The following SLC4A4 variants were observed in gnomAD, a reference collection of about 807,000 sequenced individuals.
The protein encoded by SLC4A4 is solute carrier family 4 member 4.
Under a neutral mutation model 111.5 loss-of-function variants are expected in SLC4A4, and 27 were observed. That is an observed-to-expected ratio of 0.24 (90% CI 0.18 to 0.33). The LOEUF (loss-of-function observed/expected upper bound fraction) is 0.33. Ranked by LOEUF, SLC4A4 falls within the 10% of genes least tolerant of loss-of-function variation. SLC4A4 has a pLI of 1.00. For synonymous variants in SLC4A4, 443 were observed against 463.4 expected (o/e 0.96, Z 0.57); for missense variants, 909 against 1,315.5 (o/e 0.69, Z 4.78).
At chr4:71,566,936 T>A (rs1362295658) in intron 24 of SLC4A4, 68 bp from the exon 25 acceptor site, 1 of 1,278,044 alleles carries the variant, frequency 7.8e-7, no homozygotes, top group East Asian at 2.4e-5. Flanking sequence ...ATCAATTTTG[T>A]GAAGATTTTT....
intron 1 of SLC4A4, among the ~76,000 whole-genome samples, chr4:71,229,921 G>T (rs1719304946): frequency 6.7e-6 from 1 of 150,190 alleles, no homozygotes; most frequent in Non-Finnish European, 1.5e-5. Flanking sequence ...GCCAAAAGAT[G>T]GCAGTGCACT....
At chr4:71,072,504 C>G (rs1338138410) in intron 1 of SLC4A4, among the ~76,000 whole-genome samples, 1 of 152,088 alleles carries the variant, frequency 6.6e-6, no homozygotes, top group Non-Finnish European at 1.5e-5. Flanking sequence ...AAATGATAGG[C>G]ATAGTCTTCT....
chr4:71,269,789 A>G (rs1022446995), intron 3 of SLC4A4, among the ~76,000 whole-genome samples: 2 of 152,182 alleles, frequency 1.3e-5, no homozygotes, highest in African/African-American at 4.8e-5. Context: ...AAACTATTAT[A>G]CAGTGGTTAA....
At chr4:71,071,159 T>G (rs1042267932) in intron 1 of SLC4A4, among the ~76,000 whole-genome samples, 4 of 151,630 alleles carry the variant, frequency 2.6e-5, no homozygotes, top group Non-Finnish European at 2.9e-5. Flanking sequence ...TACTCCCAGC[T>G]ATTCAGGAGA....
chr4:71,538,827 T>C (rs1472920678), intron 18 of SLC4A4, among the ~76,000 whole-genome samples: 1 of 152,056 alleles, frequency 6.6e-6, no homozygotes, highest in Non-Finnish European at 1.5e-5. Context: ...TTTGGTTGTT[T>C]ATGCCCTGCA....
chr4:71,087,560 C>A (rs1055853354), intron 1 of SLC4A4, among the ~76,000 whole-genome samples: 5 of 152,014 alleles, frequency 3.3e-5, no homozygotes, highest in Admixed American at 3.3e-4. Flanking sequence ...AAATTTCCCC[C>A]TACACACTGC....
At chr4:71,224,122 A>G (rs1718916514) in intron 1 of SLC4A4, among the ~76,000 whole-genome samples, 1 of 151,732 alleles carries the variant, frequency 6.6e-6, no homozygotes, top group African/African-American at 2.4e-5. Flanking sequence ...GAGAACTCAC[A>G]TCCATAGCCG....
Position 71,430,583 on chromosome 4 carries a change from AG to A in SLC4A4, c.808-10029del, listed in dbSNP as rs150867996. ...CACCTCAAATTAATTGAAGCCCAAA[AG>A]GGGATTTAGTGGCTTATGAAACTGG... On this transcript the variant is annotated intron_variant, in intron 7 of 25. Transcript: ENST00000264485. Among the ~76,000 whole-genome samples, 731 of 152,264 alleles carry A rather than the reference AG, an allele frequency of 4.8e-3. 16 individuals carry two copies. Among genetic ancestry groups the A allele is most frequent in the East Asian group, 0.035 (180 of 5,180 alleles).
In SLC4A4 at chr4:71,215,944, G is replaced by A. The variant is rs533412220; in HGVS notation, c.-1-20632G>A. ...TTTTGAGATGGAGTCTTGCTCTGTC[G>A]CCCAGGCTGGAGTGCAGTGGCGTGA... On this transcript the variant is annotated intron_variant, in intron 1 of 25. Transcript: ENST00000264485. 2.8e-4 allele frequency among the ~76,000 whole-genome samples: 38 copies of A among 134,606 alleles called. 1 individual carries two copies. The highest frequency in any genetic ancestry group is 1.7e-3 in the Admixed American group (20 of 12,068). 88.3% of individuals were successfully genotyped at this position (134,606 alleles called of 152,430 possible). A position where few individuals can be genotyped will look rare whatever the true frequency, so the allele number is the denominator to read the frequency against.
At chr4:71,167,655 T>C (rs1223120417) in intron 2 of SLC4A4, among the ~76,000 whole-genome samples, 1 of 152,238 alleles carries the variant, frequency 6.6e-6, no homozygotes, top group Non-Finnish European at 1.5e-5. Context: ...ATTGGATGTC[T>C]AATAGACATC....
At chr4:71,339,768 A>C (rs1728735589) in intron 4 of SLC4A4, among the ~76,000 whole-genome samples, 1 of 152,220 alleles carries the variant, frequency 6.6e-6, no homozygotes, top group South Asian at 2.1e-4. Context: ...AATTAGAAAT[A>C]AAGCTCAATT....
At chr4:71,130,053 T>G (rs1451174089) in intron 2 of SLC4A4, among the ~76,000 whole-genome samples, 1 of 152,150 alleles carries the variant, frequency 6.6e-6, no homozygotes, top group East Asian at 1.9e-4. Context: ...ACCTGGGTGA[T>G]GAAGTAATCT....
intron 24 of SLC4A4, 84 bp from the exon 25 acceptor site, chr4:71,566,920 A>C (rs1256978779): frequency 2.3e-4 from 210 of 909,310 alleles, no homozygotes; most frequent in Non-Finnish European, 3.2e-4. Context: ...CAGTTATGGA[A>C]GATGCATCAA....
intron 2 of SLC4A4, among the ~76,000 whole-genome samples, chr4:71,093,953 C>T (rs191570742): frequency 7.9e-5 from 12 of 152,268 alleles, no homozygotes; most frequent in Admixed American, 4.6e-4. Flanking sequence ...CAAAAAGCCT[C>T]ACCCTGGCTG....
intron 15 of SLC4A4, among the ~76,000 whole-genome samples, chr4:71,491,584 G>A (rs959439628): frequency 4.0e-5 from 6 of 151,822 alleles, no homozygotes; most frequent in African/African-American, 1.5e-4. Flanking sequence ...ACCCTGTGAT[G>A]AGATAGTGTC....
chr4:71,552,037 C>A (rs2149243158), intron 20 of SLC4A4, among the ~76,000 whole-genome samples: 1 of 152,006 alleles, frequency 6.6e-6, no homozygotes, highest in East Asian at 2.0e-4. Context: ...ACCCTGACCA[C>A]TGAGGACCAA....
intron 12 of SLC4A4, 138 bp from the exon 13 acceptor site, chr4:71,466,306 G>A (rs1727305638): frequency 1.0e-6 from 1 of 953,008 alleles, no homozygotes; most frequent in African/African-American, 1.6e-5. Context: ...ATGGGTAAAA[G>A]ACTTTGTTCT....
chr4:71,469,782 C>T (rs1198076444), intron 13 of SLC4A4, among the ~76,000 whole-genome samples: 1 of 151,786 alleles, frequency 6.6e-6, no homozygotes, highest in Non-Finnish European at 1.5e-5. Flanking sequence ...GTTTTATTGA[C>T]TTTATTTGGG....
chr4:71,372,619 C>G (rs771529330), intron 6 of SLC4A4, among the ~76,000 whole-genome samples: 7 of 152,234 alleles, frequency 4.6e-5, no homozygotes, highest in Non-Finnish European at 1.0e-4. Context: ...TTCAGACTCT[C>G]AGGTCTGAAC....
Sources: gnomAD v4.1 joint callset for allele counts (sites outside exome capture counted in the v4.1 genomes callset) on GRCh38, gnomAD v4.1.1 for gene constraint, MANE v1.5 for transcripts, NCBI Gene and HGNC (gene_info 2026-07-23, HGNC 2026-07-21) for gene names.